Variants in ANKS6 observed in about 807,000 individuals in gnomAD.
The protein encoded by ANKS6 is ankyrin repeat and SAM domain-containing protein 6.
ANKS6 carries 47 observed loss-of-function variants against 77.9 expected under a neutral mutation model. The ratio of observed to expected loss-of-function variants is 0.60; its 90% CI spans 0.48 to 0.77. The LOEUF (loss-of-function observed/expected upper bound fraction) is 0.77, where lower values mean the gene tolerates loss of function less well. Ranked by LOEUF, ANKS6 falls within the 30% of genes least tolerant of loss-of-function variation. ANKS6 has a pLI of 0.00. For missense variants in ANKS6, 1,150 were observed against 1,159.1 expected (o/e 0.99, Z 0.11); for synonymous variants, 488 against 501.7 (o/e 0.97, Z 0.37).
chr9:98,783,335 A>C (rs1834386423), intron 4 of ANKS6, among the ~76,000 whole-genome samples: 1 of 152,272 alleles, frequency 6.6e-6, no homozygotes, highest in South Asian at 2.1e-4. Context: ...ATGACACAGG[A>C]AAGTGATCTG....
intron 9 of ANKS6, among the ~76,000 whole-genome samples, chr9:98,773,353 T>C (rs1297441076): frequency 6.6e-6 from 1 of 152,146 alleles, no homozygotes; most frequent in East Asian, 1.9e-4. Flanking sequence ...TAGATACAGG[T>C]TACACACAGA....
At chr9:98,761,847 G>C (rs1476407484) in intron 11 of ANKS6, among the ~76,000 whole-genome samples, 1 of 152,162 alleles carries the variant, frequency 6.6e-6, no homozygotes, top group South Asian at 2.1e-4. Flanking sequence ...GGCAGTGTGA[G>C]CCTGCCAACT....
chr9:98,767,072 G>C (rs1833342892), intron 11 of ANKS6, among the ~76,000 whole-genome samples: 2 of 152,204 alleles, frequency 1.3e-5, no homozygotes, highest in South Asian at 4.1e-4. Flanking sequence ...AGAGGTTCAG[G>C]AGGCAGAGGC....
At position 98,796,521 on chromosome 9, in the gene ANKS6, C is replaced by T. The variant is rs1290798842; in HGVS notation, c.-30G>A. 5.1e-6 allele frequency: 5 copies of T among 981,968 alleles called. No individual in the cohort carries two copies. Among genetic ancestry groups the T allele is most frequent in the Non-Finnish European group, 6.0e-6 (5 of 828,012 alleles). 60.8% of individuals were successfully genotyped at this position (981,968 alleles called of 1,614,324 possible). On this transcript the variant is annotated 5_prime_UTR_variant, in exon 1 of 15. Coordinates refer to ENST00000353234, the MANE Select transcript of ANKS6 (RefSeq NM_173551.5). ...GCCGCCACGCGCGGCCCGCTCCCGT[C>T]CGCCCCGCCGGCCGCGTCGGCTCCG...
intron 1 of ANKS6, among the ~76,000 whole-genome samples, chr9:98,794,148 C>CAAAAAA (rs375021953): frequency 2.7e-5 from 3 of 109,972 alleles, no homozygotes; most frequent in Non-Finnish European, 5.3e-5. Context: ...GACTCCGTCT[C>CAAAAAA]AAAAAAAAAA....
At chr9:98,788,200 C>T (rs984557482) in intron 2 of ANKS6, among the ~76,000 whole-genome samples, 3 of 152,244 alleles carry the variant, frequency 2.0e-5, no homozygotes, top group East Asian at 1.9e-4. Flanking sequence ...CTGTCAGAAG[C>T]TAAGCCCGAG....
At chr9:98,747,405 G>T (rs1832196190) in intron 13 of ANKS6, among the ~76,000 whole-genome samples, 2 of 146,644 alleles carry the variant, frequency 1.4e-5, no homozygotes, top group African/African-American at 2.5e-5. Flanking sequence ...AAAACCTTCA[G>T]CCAGGTTTGA....
chr9:98,777,634 GT>G (rs1393069261), intron 7 of ANKS6, among the ~76,000 whole-genome samples, 180 bp from the exon 8 acceptor site: 1 of 152,202 alleles, frequency 6.6e-6, no homozygotes, highest in East Asian at 1.9e-4. Flanking sequence ...ATTGGAGCAT[GT>G]TTTCAGCTTT....
chr9:98,771,102 G>A, intron 9 of ANKS6, 56 bp from the exon 10 acceptor site: 1 of 1,438,136 alleles, frequency 7.0e-7, no homozygotes, highest in Non-Finnish European at 9.2e-7. Context: ...CTCCAGCCGT[G>A]CAGGATCACA....
In ANKS6 at chr9:98,768,234, A is replaced by G. The variant is rs756110261; in HGVS notation, c.1989T>C (p.Asn663=). 32 of 1,613,990 alleles carry G rather than the reference A, an allele frequency of 2.0e-5. No individual in the cohort carries two copies. The highest frequency in any genetic ancestry group is 1.0e-4 in the Admixed American group (6 of 60,002). ...TCTGGGCAGCGATTTGGGACAAGACATTGTCTATGCTGCCACCTGAGGAAA... is the reference window on the plus strand; with the variant it reads ...TCTGGGCAGCGATTTGGGACAAGACGTTGTCTATGCTGCCACCTGAGGAAA... ...LLNRSGGSID[N]VLSQIAAQRK... The change falls in exon 11 of 15, where the codon AAT becomes AAC. Residue 663 remains asparagine (N), a synonymous_variant. Transcript: ENST00000353234.
intron 9 of ANKS6, among the ~76,000 whole-genome samples, chr9:98,772,373 G>C (rs1833689573): frequency 6.6e-6 from 1 of 152,196 alleles, no homozygotes; most frequent in Non-Finnish European, 1.5e-5. Context: ...GGAAAGAAAG[G>C]ATCTCCCCGG....
intron 11 of ANKS6, among the ~76,000 whole-genome samples, chr9:98,760,931 A>T (rs1008182604): frequency 6.6e-6 from 1 of 152,230 alleles, no homozygotes; most frequent in Non-Finnish European, 1.5e-5. Flanking sequence ...GGGTCATATC[A>T]TAAGTGAATG....
chr9:98,788,868 C>G (rs1392135858), intron 2 of ANKS6, among the ~76,000 whole-genome samples: 1 of 152,212 alleles, frequency 6.6e-6, no homozygotes, highest in Non-Finnish European at 1.5e-5. Flanking sequence ...CTCTGGGCCT[C>G]AGTTTCCCAC....
chr9:98,768,752 C>G (rs1228549515), intron 10 of ANKS6, among the ~76,000 whole-genome samples: 1 of 152,164 alleles, frequency 6.6e-6, no homozygotes, highest in African/African-American at 2.4e-5. Context: ...CCATAATGCT[C>G]AGAGTGCTCT....
At position 98,752,553 on chromosome 9, in the gene ANKS6, G is replaced by A. The variant is rs376938512; in HGVS notation, c.2327-1457C>T. ...CTCAGTGTGGCTGGGAGGATAGGAT[G>A]AGGAGGATGAAAGCTAATACACAGT... On this transcript the variant is annotated intron_variant, in intron 12 of 14. Transcript: ENST00000353234. Among the ~76,000 whole-genome samples, 5 of 152,182 alleles carry A rather than the reference G, an allele frequency of 3.3e-5. No homozygotes were observed. In the East Asian group the frequency reaches 5.8e-4, roughly 18 times the overall value.
At position 98,732,806 on chromosome 9, in the gene ANKS6, G is replaced by T; in HGVS notation, c.*3713C>A. ...TCCAGTGCTCTTTCCAGGGTAACAGGTTGCTTCTACTCATTTTAAAGGACT... is the reference window on the plus strand; with the variant it reads ...TCCAGTGCTCTTTCCAGGGTAACAGTTTGCTTCTACTCATTTTAAAGGACT... On this transcript the variant is annotated 3_prime_UTR_variant, in exon 15 of 15. Coordinates refer to ENST00000353234, the MANE Select transcript of ANKS6 (RefSeq NM_173551.5). The T allele has an allele frequency of 7.5e-7, 1 of 1,324,862 alleles. No individual in the cohort carries two copies. The highest frequency in any genetic ancestry group is 2.6e-4 in the Middle Eastern group (1 of 3,850). The allele number at this position is 1,324,862 out of a possible 1,614,324, so 82.1% of individuals were successfully genotyped here.
At chr9:98,792,358 T>C (rs1376754658) in intron 1 of ANKS6, among the ~76,000 whole-genome samples, 1 of 152,156 alleles carries the variant, frequency 6.6e-6, no homozygotes, top group Non-Finnish European at 1.5e-5. Flanking sequence ...TGAGCCCTCT[T>C]TCCCTAATTG....
intron 8 of ANKS6, among the ~76,000 whole-genome samples, chr9:98,774,884 G>A (rs748744127): frequency 1.3e-5 from 2 of 152,182 alleles, no homozygotes; most frequent in Admixed American, 6.5e-5. Flanking sequence ...AGCTAAACTC[G>A]CCTCGGGAGC....
At chr9:98,771,274 C>G (rs1363769344) in intron 9 of ANKS6, among the ~76,000 whole-genome samples, 1 of 152,202 alleles carries the variant, frequency 6.6e-6, no homozygotes. Context: ...CACATCATTT[C>G]CCATGGGCCA....
Sources: allele counts gnomAD v4.1 joint callset (sites outside exome capture counted in the v4.1 genomes callset), GRCh38; gene constraint gnomAD v4.1.1; transcripts MANE v1.5; gene names NCBI Gene and HGNC (gene_info 2026-07-23, HGNC 2026-07-21).